The following RBFOX1 variants were observed in gnomAD, a reference collection of about 807,000 sequenced individuals.
RBFOX1 encodes the protein RNA binding fox-1 homolog 1.
Under a neutral mutation model 57.7 loss-of-function variants are expected in RBFOX1, and 8 were observed. That is an observed-to-expected ratio of 0.14 (90% CI 0.08 to 0.25). The LOEUF (loss-of-function observed/expected upper bound fraction) is 0.25. Among genes scored for constraint, RBFOX1 ranks in the 10% least tolerant of loss-of-function variants. RBFOX1 has a pLI of 1.00. For missense variants in RBFOX1, 611 were observed against 548.5 expected (o/e 1.11, Z -1.14); for synonymous variants, 326 against 222.4 (o/e 1.47, Z -4.15).
intron 2 of RBFOX1, among the ~76,000 whole-genome samples, chr16:6,347,956 A>G (rs1022832194): frequency 4.6e-5 from 7 of 152,154 alleles, no homozygotes; most frequent in African/African-American, 1.4e-4. Flanking sequence ...AGCCTAGCTT[A>G]CTCCTGAATA....
At chr16:7,333,008 G>C in intron 4 of RBFOX1, 1 of 1,613,666 alleles carries the variant, frequency 6.2e-7, no homozygotes. Flanking sequence ...AAGCATGCTG[G>C]CGTCTCAAGG....
At chr16:6,877,965 A>G (rs1214448343) in intron 3 of RBFOX1, among the ~76,000 whole-genome samples, 1 of 152,148 alleles carries the variant, frequency 6.6e-6, no homozygotes, top group Non-Finnish European at 1.5e-5. Flanking sequence ...AGTAGGGGAT[A>G]AGGGTTTCAG....
At chr16:7,565,825 T>A (rs149682579) in intron 5 of RBFOX1, among the ~76,000 whole-genome samples, 290 of 152,164 alleles carry the variant, frequency 1.9e-3, no homozygotes, top group African/African-American at 6.7e-3. Flanking sequence ...AGGAAGCCTG[T>A]AGGAAAGGAA....
intron 4 of RBFOX1, among the ~76,000 whole-genome samples, chr16:7,269,125 C>G (rs910744135): frequency 6.8e-5 from 10 of 147,760 alleles, no homozygotes; most frequent in African/African-American, 2.2e-4. Context: ...TCGTCTTCCT[C>G]TGAAAAAATA....
chr16:5,378,067 T>G (rs546253913), intron 1 of RBFOX1, among the ~76,000 whole-genome samples: 1 of 151,710 alleles, frequency 6.6e-6, no homozygotes, highest in Non-Finnish European at 1.5e-5. Flanking sequence ...AACAGCACAG[T>G]GTTGCACTGC....
Position 5,581,672 on chromosome 16 carries a change from A to G in RBFOX1, c.259-17230A>G, listed in dbSNP as rs1486359042. ...GGATGTGTAGGAGTTAAGTTGCAGAATGGGAACAGGGAACTCTCCAAGCCA... is the reference window on the plus strand; with the variant it reads ...GGATGTGTAGGAGTTAAGTTGCAGAGTGGGAACAGGGAACTCTCCAAGCCA... On this transcript the variant is annotated intron_variant, in intron 2 of 2. Coordinates refer to the RBFOX1 transcript ENST00000585867. Among the ~76,000 whole-genome samples, 6 of 152,310 alleles carry G rather than the reference A, an allele frequency of 3.9e-5. No individual in the cohort carries two copies. In the South Asian group the frequency reaches 1.0e-3, roughly 26 times the overall value.
chr16:7,288,021 ATC>A (rs1403323972), intron 4 of RBFOX1, among the ~76,000 whole-genome samples: 1 of 152,096 alleles, frequency 6.6e-6, no homozygotes, highest in Non-Finnish European at 1.5e-5. Flanking sequence ...GCTGGCTGAG[ATC>A]TGTTTTCCTC....
At chr16:6,896,476 T>C (rs1166443415) in intron 3 of RBFOX1, among the ~76,000 whole-genome samples, 1 of 152,178 alleles carries the variant, frequency 6.6e-6, no homozygotes, top group African/African-American at 2.4e-5. Context: ...ATGAGTTCAA[T>C]TGTTTTGACT....
At chr16:6,258,586 C>G (rs1169897868) in intron 1 of RBFOX1, among the ~76,000 whole-genome samples, 1 of 152,216 alleles carries the variant, frequency 6.6e-6, no homozygotes, top group Non-Finnish European at 1.5e-5. Flanking sequence ...CAGTGTCATA[C>G]TGAATACCTT....
chr16:7,450,053 C>A (rs1027410584), intron 4 of RBFOX1, among the ~76,000 whole-genome samples: 2 of 152,080 alleles, frequency 1.3e-5, no homozygotes, highest in East Asian at 1.9e-4. Flanking sequence ...GATTTCAGAG[C>A]CTGTCATCAT....
At chr16:6,647,991 G>A (rs1456023927) in intron 2 of RBFOX1, among the ~76,000 whole-genome samples, 3 of 152,048 alleles carry the variant, frequency 2.0e-5, no homozygotes, top group African/African-American at 7.2e-5. Context: ...ACACGTGTGT[G>A]CCACCATGCC....
At chr16:6,653,436 C>T (rs1419163950) in intron 2 of RBFOX1, among the ~76,000 whole-genome samples, 3 of 152,124 alleles carry the variant, frequency 2.0e-5, no homozygotes, top group East Asian at 1.9e-4. Context: ...AAATATCTTC[C>T]ATTTGAATAA....
intron 2 of RBFOX1, among the ~76,000 whole-genome samples, chr16:6,465,323 C>T (rs916430563): frequency 3.3e-5 from 5 of 152,050 alleles, no homozygotes; most frequent in African/African-American, 1.2e-4. Flanking sequence ...TCTCCGTGTA[C>T]CTTCGTAAAG....
chr16:5,296,139 C>G (rs991397351), intron 1 of RBFOX1, among the ~76,000 whole-genome samples: 1 of 152,206 alleles, frequency 6.6e-6, no homozygotes, highest in Non-Finnish European at 1.5e-5. Context: ...CCTTGGAGAT[C>G]TAATCTTGAG....
intron 1 of RBFOX1, among the ~76,000 whole-genome samples, chr16:5,299,286 A>G (rs1009516039): frequency 6.6e-6 from 1 of 151,952 alleles, no homozygotes; most frequent in African/African-American, 2.4e-5. Context: ...TGTCACATCT[A>G]GTTGATAAGT....
At chr16:6,246,690 C>G (rs947939429) in intron 1 of RBFOX1, among the ~76,000 whole-genome samples, 6 of 152,176 alleles carry the variant, frequency 3.9e-5, no homozygotes, top group African/African-American at 9.6e-5. Flanking sequence ...AAGTGTCAGA[C>G]TTTGTGTTAG....
At chr16:7,174,250 T>G (rs1240707590) in intron 4 of RBFOX1, among the ~76,000 whole-genome samples, 1 of 152,166 alleles carries the variant, frequency 6.6e-6, no homozygotes, top group East Asian at 1.9e-4. Context: ...TATCACTACT[T>G]TGTTTCTTTA....
chr16:6,720,860 C>A (rs1370449220), intron 3 of RBFOX1, among the ~76,000 whole-genome samples: 1 of 152,162 alleles, frequency 6.6e-6, no homozygotes, highest in South Asian at 2.1e-4. Flanking sequence ...AACCATGATT[C>A]ATTCCCTCTC....
intron 4 of RBFOX1, among the ~76,000 whole-genome samples, chr16:7,331,135 T>C (rs1375562805): frequency 6.6e-6 from 1 of 152,192 alleles, no homozygotes; most frequent in Non-Finnish European, 1.5e-5. Context: ...TATCTAGAAA[T>C]GCAATTATGC....
Sources: gnomAD v4.1 joint callset for allele counts (sites outside exome capture counted in the v4.1 genomes callset) on GRCh38, gnomAD v4.1.1 for gene constraint, MANE v1.5 for transcripts, NCBI Gene and HGNC (gene_info 2026-07-23, HGNC 2026-07-21) for gene names.